The following ATRX variants were observed in gnomAD, a reference collection of about 807,000 sequenced individuals.
ATRX encodes the protein ATRX chromatin remodeler.
In ATRX, 12 loss-of-function variants were observed where a neutral mutation model predicts 172.6. The observed-to-expected ratio is 0.07, with a 90% CI of 0.04 to 0.11. ATRX has a LOEUF of 0.11. Ranked by LOEUF, ATRX falls within the 10% of genes least tolerant of loss-of-function variation. ATRX has a pLI of 1.00. For missense variants in ATRX, 1,368 were observed against 1,767.4 expected, an observed-to-expected ratio of 0.77 and a Z score of 4.05; for synonymous variants, 674 against 594.7, an observed-to-expected ratio of 1.13 and a Z score of -1.94.
chrX:77,756,187 G>A (rs1446187528), intron 1 of ATRX, among the ~76,000 whole-genome samples: 1 of 111,387 alleles, frequency 9.0e-6, no homozygotes, highest in Non-Finnish European at 1.9e-5. Context: ...AATGGCAGAC[G>A]CCCCTCCCCT....
rs145901566 is a variant in ATRX, at chrX:77,693,035, C to T, written c.484+789G>A. ...CAGAATAGCTAGGACTACAGGCATG[C>T]GCCGCTATGTCCAGCTGATATTTTT... On this transcript the variant is annotated intron_variant, in intron 6 of 34. Coordinates refer to ENST00000373344, the MANE Select transcript of ATRX (RefSeq NM_000489.6). Among the ~76,000 whole-genome samples, 498 of 110,800 alleles carry T rather than the reference C, an allele frequency of 4.5e-3. 4 individuals carry two copies. Among genetic ancestry groups the T allele is most frequent in the Middle Eastern group, 9.2e-3 (2 of 218 alleles).
chrX:77,683,112 T>C lies in ATRX; in HGVS notation c.2144A>G (p.Lys715Arg), dbSNP rs2148605813. ...DSAIDNPKPN[K>R]LPKSKQSETV... ...CTCTGATTGCTTAGATTTTGGCAAT[T>C]TATTAGGCTTAGGATTATCTATAGC... Residue 715 changes from lysine to arginine, a missense_variant, in exon 9 of 35, where the codon AAA becomes AGA. Around this residue, in one of 17 missense-constraint regions of ATRX, gnomAD observed 843 missense variants for 643.1 expected, o/e 1.31. Coordinates refer to ENST00000373344, the MANE Select transcript of ATRX (RefSeq NM_000489.6). 1 of 1,210,857 alleles carries C rather than the reference T, an allele frequency of 8.3e-7. No homozygotes were observed.
intron 15 of ATRX, among the ~76,000 whole-genome samples, chrX:77,638,343 C>T (rs539127104): frequency 2.7e-5 from 3 of 112,466 alleles, no homozygotes; most frequent in African/African-American, 9.7e-5. Flanking sequence ...CGCAGTGGCG[C>T]GCGCCTATAG....
chrX:77,553,005 T>C lies in ATRX; in HGVS notation c.6699+4446A>G, dbSNP rs781806187. Among the ~76,000 whole-genome samples, 231 of 111,447 alleles carry C rather than the reference T, an allele frequency of 2.1e-3. 3 individuals are homozygous for C. Among genetic ancestry groups the C allele is most frequent in the African/African-American group, 7.3e-3 (223 of 30,687 alleles). ...TTTTAGCAGTCTTTCATCTTAAAAA[T>C]CATGGACAAGAAGGAAGGTGTTTGC... On this transcript the variant is annotated intron_variant, in intron 30 of 34. Transcript: ENST00000373344.
At chrX:77,649,212 A>G (rs1342697992) in intron 15 of ATRX, among the ~76,000 whole-genome samples, 1 of 110,246 alleles carries the variant, frequency 9.1e-6, no homozygotes, top group Non-Finnish European at 1.9e-5. Context: ...GGAAGGGAGG[A>G]AGGAAGGAAG....
In ATRX at chrX:77,633,273, C is replaced by T. The variant is rs2068194249; in HGVS notation, c.5068G>A (p.Ala1690Thr). 3 of 1,208,845 alleles carry T rather than the reference C, an allele frequency of 2.5e-6. No homozygotes were observed. The highest frequency in any genetic ancestry group is 1.8e-5 in the African/African-American group (1 of 57,107). ...IIGYEMYRNL[A>T]QGRNVKSRKL... ...CGACTCTTCACATTCCTTCCTTGAG[C>T]AAGATTTCTATACATCTCATAGCCT... Residue 1690 changes from alanine (A) to threonine (T), a missense_variant, in exon 19 of 35, where the codon GCT (alanine) becomes ACT (threonine). Transcript: ENST00000373344.
At chrX:77,638,809 C>A (rs1403298803) in intron 15 of ATRX, among the ~76,000 whole-genome samples, 1 of 112,128 alleles carries the variant, frequency 8.9e-6, no homozygotes, top group Non-Finnish European at 1.9e-5. Context: ...GCCATTCAGA[C>A]CCAAATTCCA....
In ATRX at chrX:77,508,299, A is replaced by T. The variant is rs782487884; in HGVS notation, c.*52T>A. 1 of 1,184,954 alleles carries T rather than the reference A, an allele frequency of 8.4e-7. No individual in the cohort carries two copies. The highest frequency in any genetic ancestry group is 2.2e-5 in the Admixed American group (1 of 45,583). ...CTGTTAAGTCATTGATTCCTAAAAA[A>T]ATAAAAGATCTTTCTATGATTTTAA... On this transcript the variant is annotated 3_prime_UTR_variant, in exon 35 of 35. Transcript: ENST00000373344.
At chrX:77,708,664 AAAAAATAAAAAT>A (rs199569716) in intron 2 of ATRX, among the ~76,000 whole-genome samples, 153 of 109,869 alleles carry the variant, frequency 1.4e-3, no homozygotes, top group Non-Finnish European at 2.4e-3. Flanking sequence ...TGTCTCAAAA[AAAAAATAAAAAT>A]AAAAATAAAA....
chrX:77,589,779 G>A (rs893382670), intron 27 of ATRX, 55 bp downstream of exon 27: 1 of 1,010,009 alleles, frequency 9.9e-7, no homozygotes, highest in African/African-American at 1.9e-5. Context: ...ATGTTTGTAT[G>A]GTATGTTTAA....
chrX:77,521,294 A>T, intron 33 of ATRX, 109 bp downstream of exon 33: 1 of 611,002 alleles, frequency 1.6e-6, no homozygotes, highest in Non-Finnish European at 2.7e-6. Flanking sequence ...GTATTTTACT[A>T]TTGCAAATCA....
chrX:77,695,617 T>C (rs1482050133), intron 5 of ATRX, among the ~76,000 whole-genome samples: 1 of 111,511 alleles, frequency 9.0e-6, no homozygotes, highest in Non-Finnish European at 1.9e-5. Flanking sequence ...CATAAAATTG[T>C]CATAAATGAT....
At chrX:77,769,137 C>T (rs1350155157) in intron 1 of ATRX, among the ~76,000 whole-genome samples, 2 of 111,751 alleles carry the variant, frequency 1.8e-5, no homozygotes, top group East Asian at 5.6e-4. Context: ...TATGTTCACA[C>T]CTGTGAATAG....
intron 19 of ATRX, among the ~76,000 whole-genome samples, chrX:77,622,646 C>T (rs1557100709): frequency 9.0e-6 from 1 of 111,294 alleles, no homozygotes; most frequent in African/African-American, 3.3e-5. Flanking sequence ...CCGGGGAGGG[C>T]GCAAATCCAG....
chrX:77,786,156 C>T lies in ATRX; in HGVS notation c.-155G>A. The T allele has an allele frequency of 1.6e-6, 1 of 616,137 alleles. No individual in the cohort carries two copies. Among genetic ancestry groups the T allele is most frequent in the Non-Finnish European group, 2.4e-6 (1 of 410,740 alleles). 50.8% of individuals were successfully genotyped at this position (616,137 alleles called of 1,213,427 possible). ...AGCTCAAAGGCCGCTACCACTGCCA[C>T]CGCCGCAGGAGCCGCGGAAACAAAG... On this transcript the variant is annotated 5_prime_UTR_variant, in exon 1 of 35. It adds an upstream start codon to the 5' untranslated region. Coordinates refer to ENST00000373344, the MANE Select transcript of ATRX (RefSeq NM_000489.6).
intron 1 of ATRX, among the ~76,000 whole-genome samples, chrX:77,722,645 C>A (rs2073832388): frequency 9.0e-6 from 1 of 111,651 alleles, no homozygotes; most frequent in East Asian, 2.8e-4. Context: ...AATGAGATAC[C>A]ACCTCACGCC....
chrX:77,599,680 A>G (rs374856106), intron 24 of ATRX, 52 bp downstream of exon 24: 6 of 1,181,114 alleles, frequency 5.1e-6, no homozygotes, highest in Non-Finnish European at 3.5e-6. Context: ...ATCAGCAAGT[A>G]GGGGTTTTAA....
At chrX:77,677,680 T>A (rs2070961381) in intron 9 of ATRX, among the ~76,000 whole-genome samples, 1 of 108,255 alleles carries the variant, frequency 9.2e-6, no homozygotes, top group South Asian at 4.0e-4. Flanking sequence ...TTTTTTTTTT[T>A]ACAAATTTCT....
intron 15 of ATRX, among the ~76,000 whole-genome samples, chrX:77,639,682 G>A (rs782723258): frequency 8.9e-6 from 1 of 112,185 alleles, no homozygotes; most frequent in East Asian, 2.8e-4. Context: ...ATTAAGTGTT[G>A]TCTTCAGGAT....
Sources: allele counts gnomAD v4.1 joint callset (sites outside exome capture counted in the v4.1 genomes callset), GRCh38; gene constraint gnomAD v4.1.1; regional missense constraint gnomAD v4.1.1; transcripts MANE v1.5; gene names NCBI Gene and HGNC (gene_info 2026-07-23, HGNC 2026-07-21).